The following PRPSAP1 variants were observed in gnomAD, a reference collection of about 807,000 sequenced individuals.
The protein encoded by PRPSAP1 is phosphoribosyl pyrophosphate synthase-associated protein 1.
A neutral mutation model predicts 39.4 loss-of-function variants in PRPSAP1; 31 were observed. That is an observed-to-expected ratio of 0.79 (90% CI 0.59 to 1.06). The LOEUF (loss-of-function observed/expected upper bound fraction) is 1.06. Ranked by LOEUF, PRPSAP1 falls within the 50% of genes least tolerant of loss-of-function variation. The pLI is 0.00. For synonymous variants in PRPSAP1, 212 were observed against 192.6 expected (o/e 1.10, Z -0.83); for missense variants, 430 against 511.6 (o/e 0.84, Z 1.54).
chr17:76,314,054 C>G, intron 7 of PRPSAP1, 163 bp from the exon 8 acceptor site: 1 of 693,960 alleles, frequency 1.4e-6, no homozygotes, highest in Admixed American at 2.4e-5. Flanking sequence ...CTCTCAGAAA[C>G]AGCAGCATTG....
chr17:76,330,704 T>G, intron 4 of PRPSAP1, 38 bp from the exon 5 acceptor site: 1 of 1,372,564 alleles, frequency 7.3e-7, no homozygotes, highest in South Asian at 1.2e-5. Context: ...AGTTCACCCC[T>G]ACAGGTAAAT....
intron 7 of PRPSAP1, among the ~76,000 whole-genome samples, chr17:76,323,111 G>C (rs915669336): frequency 2.8e-5 from 4 of 144,768 alleles, no homozygotes; most frequent in African/African-American, 1.1e-4. Flanking sequence ...GGAGGCTGAA[G>C]CACGCAGATC....
intron 4 of PRPSAP1, 61 bp from the exon 5 acceptor site, chr17:76,330,727 C>T: frequency 2.8e-6 from 3 of 1,055,010 alleles, no homozygotes; most frequent in South Asian, 2.9e-5. Context: ...CTACAGTGGA[C>T]CTAAACTAGA....
At chr17:76,319,629 C>T (rs562743292) in intron 7 of PRPSAP1, among the ~76,000 whole-genome samples, 17 of 151,788 alleles carry the variant, frequency 1.1e-4, no homozygotes, top group South Asian at 6.3e-4. Context: ...CCACCATGCT[C>T]GGCTAATTTT....
intron 1 of PRPSAP1, among the ~76,000 whole-genome samples, chr17:76,352,644 C>CAAAAAAAAAAAAA (rs55986677): frequency 9.3e-5 from 5 of 53,580 alleles, no homozygotes; most frequent in Admixed American, 2.4e-4. Flanking sequence ...GACTCCGTCT[C>CAAAAAAAAAAAAA]AAAAAAAAAA....
chr17:76,345,091 CG>C (rs981278337), intron 2 of PRPSAP1, among the ~76,000 whole-genome samples: 3 of 151,696 alleles, frequency 2.0e-5, no homozygotes, highest in African/African-American at 7.3e-5. Context: ...AAAAATTAGC[CG>C]GGCGTGGTGG....
chr17:76,315,737 C>CA (rs1345358456), intron 7 of PRPSAP1, among the ~76,000 whole-genome samples: 7 of 88,954 alleles, frequency 7.9e-5, no homozygotes, highest in South Asian at 7.7e-4. Flanking sequence ...TTTCTTGAGA[C>CA]AGAGTCTCAC....
chr17:76,348,971 TG>T (rs1478985656), intron 1 of PRPSAP1, among the ~76,000 whole-genome samples: 1 of 152,198 alleles, frequency 6.6e-6, no homozygotes, highest in Non-Finnish European at 1.5e-5. Context: ...TGACCAAATG[TG>T]GTGTGGATCT....
chr17:76,327,173 C>T (rs2071263985), intron 7 of PRPSAP1, among the ~76,000 whole-genome samples: 1 of 149,616 alleles, frequency 6.7e-6, no homozygotes, highest in African/African-American at 2.5e-5. Context: ...CATGGTAAAA[C>T]CCTGTCTCTA....
chr17:76,313,669 G>A, intron 8 of PRPSAP1, 152 bp downstream of exon 8: 1 of 752,958 alleles, frequency 1.3e-6, no homozygotes, highest in East Asian at 2.7e-5. Flanking sequence ...CTGGATACAG[G>A]TTTCTGCCAC....
At chr17:76,320,106 C>T (rs1224335308) in intron 7 of PRPSAP1, among the ~76,000 whole-genome samples, 1 of 151,822 alleles carries the variant, frequency 6.6e-6, no homozygotes, top group Non-Finnish European at 1.5e-5. Context: ...CCTGTCTCTA[C>T]TAAAAAAGCA....
chr17:76,325,270 G>A (rs1319837413), intron 7 of PRPSAP1, among the ~76,000 whole-genome samples: 4 of 150,144 alleles, frequency 2.7e-5, no homozygotes, highest in Non-Finnish European at 4.4e-5. Flanking sequence ...TTACCCGGGC[G>A]TGGTAGCGGG....
At chr17:76,319,465 CGATT>C (rs1567798487) in intron 7 of PRPSAP1, 1 of 151,396 alleles carries the variant, frequency 6.6e-6, no homozygotes. Context: ...TAAATCTGAC[CGATT>C]TATTTTATTT....
At chr17:76,317,662 ATGTCTG>A (rs2071139318) in intron 7 of PRPSAP1, among the ~76,000 whole-genome samples, 3 of 152,250 alleles carry the variant, frequency 2.0e-5, no homozygotes, top group South Asian at 4.1e-4. Context: ...AGAGGTGCCA[ATGTCTG>A]TTTTCACTTC....
chr17:76,329,196 G>A (rs190222133), intron 6 of PRPSAP1, among the ~76,000 whole-genome samples: 13 of 151,698 alleles, frequency 8.6e-5, no homozygotes, highest in Admixed American at 6.6e-4. Context: ...TCAACCTCCC[G>A]AGTAGCGGGG....
intron 7 of PRPSAP1, 191 bp from the exon 8 acceptor site, chr17:76,314,082 G>A (rs892558917): frequency 6.6e-5 from 39 of 594,656 alleles, no homozygotes; most frequent in Middle Eastern, 8.9e-4. Context: ...GAAATAGAAG[G>A]CATGCCATAC....
chr17:76,337,284 G>A (rs962249402), intron 3 of PRPSAP1: 1 of 152,212 alleles, frequency 6.6e-6, no homozygotes, highest in Non-Finnish European at 1.5e-5. Flanking sequence ...TACTGCTCTA[G>A]CATTTTGGAC....
At chr17:76,349,082 G>A (rs1031398314) in intron 1 of PRPSAP1, among the ~76,000 whole-genome samples, 8 of 152,092 alleles carry the variant, frequency 5.3e-5, no homozygotes, top group Non-Finnish European at 1.0e-4. Flanking sequence ...AGGCCAAGGC[G>A]GGCGGATCAC....
intron 7 of PRPSAP1, among the ~76,000 whole-genome samples, chr17:76,325,842 G>A (rs1187309652): frequency 1.3e-5 from 2 of 151,948 alleles, no homozygotes; most frequent in South Asian, 2.1e-4. Flanking sequence ...TCCTGACCTC[G>A]TGATCTGCCC....
Sources: gnomAD v4.1 joint callset for allele counts (sites outside exome capture counted in the v4.1 genomes callset) on GRCh38, gnomAD v4.1.1 for gene constraint, MANE v1.5 for transcripts, NCBI Gene and HGNC (gene_info 2026-07-23, HGNC 2026-07-21) for gene names.